The following COP1 variants were observed in gnomAD, a reference collection of about 807,000 sequenced individuals.
COP1 encodes COP1 E3 ubiquitin ligase, also known as E3 ubiquitin-protein ligase COP1.
COP1 carries 24 observed loss-of-function variants against 101.3 expected under a neutral mutation model. The ratio of observed to expected loss-of-function variants is 0.24; its 90% CI spans 0.17 to 0.33. The LOEUF (loss-of-function observed/expected upper bound fraction) is 0.33. COP1 is among the 10% of genes least tolerant of loss of function. The pLI, the probability that COP1 is intolerant of heterozygous loss-of-function variation, is 1.00. For synonymous variants in COP1, 347 were observed against 341.9 expected (o/e 1.01, Z -0.17); for missense variants, 663 against 906.2 (o/e 0.73, Z 3.45).
Position 176,151,241 on chromosome 1 carries a change from T to TAGAAAGAAAGAAAGAG in COP1, c.763-2183_763-2168dup, listed in dbSNP as rs566334770. ...GAAAAAGAATAAAGAGAAATGTATT[T>TAGAAAGAAAGAAAGAG]AGAAAGAAAGAAAGAGAGAAAGAAA... On this transcript the variant is annotated intron_variant, in intron 5 of 19. Coordinates refer to ENST00000367669, the MANE Select transcript of COP1 (RefSeq NM_022457.7). Among the ~76,000 whole-genome samples, 30 of 137,510 alleles carry TAGAAAGAAAGAAAGAG rather than the reference T, an allele frequency of 2.2e-4. 1 individual carries two copies. The South Asian group carries it at 6.7e-3, about 31-fold the overall frequency. 90.2% of individuals were successfully genotyped at this position (137,510 alleles called of 152,430 possible).
chr1:176,022,480 T>TA lies in COP1; in HGVS notation c.1729+5091dup, dbSNP rs1455677718. On this transcript the variant is annotated intron_variant, in intron 15 of 19. Transcript: ENST00000367669. Reference sequence around the variant, plus strand: ...AAGCAACTTCATGAGTATGATTCTGTATCGCTCTCAGTGGTAAACTAAACA... The same window carrying TA: ...AAGCAACTTCATGAGTATGATTCTGTAATCGCTCTCAGTGGTAAACTAAACA... Among the ~76,000 whole-genome samples, 3 of 152,232 alleles carry TA rather than the reference T, an allele frequency of 2.0e-5. No individual in the cohort carries two copies. In the East Asian group the frequency reaches 5.8e-4, roughly 29 times the overall value.
At chr1:176,057,056 CTG>C (rs1328868569) in intron 11 of COP1, among the ~76,000 whole-genome samples, 2 of 151,482 alleles carry the variant, frequency 1.3e-5, no homozygotes, top group African/African-American at 2.5e-5. Flanking sequence ...CTATAATTAA[CTG>C]AGCATAGAAA....
At chr1:175,952,471 A>G (rs1228731921) in intron 18 of COP1, among the ~76,000 whole-genome samples, 1 of 152,108 alleles carries the variant, frequency 6.6e-6, no homozygotes, top group African/African-American at 2.4e-5. Context: ...CCATTGAGAT[A>G]CACAAAATTA....
At chr1:176,200,962 C>A (rs145283634) in intron 1 of COP1, among the ~76,000 whole-genome samples, 73 of 152,262 alleles carry the variant, frequency 4.8e-4, no homozygotes, top group African/African-American at 1.8e-3. Context: ...GGAGCTGAGA[C>A]TACAAGCATG....
intron 10 of COP1, among the ~76,000 whole-genome samples, chr1:176,082,465 A>G (rs1679347080): frequency 6.6e-6 from 1 of 152,228 alleles, no homozygotes; most frequent in Non-Finnish European, 1.5e-5. Context: ...TATCTTGAAA[A>G]TAACTGTTTG....
intron 14 of COP1, among the ~76,000 whole-genome samples, chr1:176,029,148 GTTC>G (rs1236252675): frequency 1.8e-4 from 27 of 152,102 alleles, no homozygotes; most frequent in African/African-American, 5.5e-4. Context: ...CTTGGAAACT[GTTC>G]TTATTTTATC....
chr1:176,125,489 T>C (rs1007597318), intron 8 of COP1, among the ~76,000 whole-genome samples: 1 of 152,196 alleles, frequency 6.6e-6, no homozygotes, highest in African/African-American at 2.4e-5. Flanking sequence ...GAATATCTTT[T>C]CCCCAATTTA....
At chr1:176,022,503 A>C (rs1471782771) in intron 15 of COP1, among the ~76,000 whole-genome samples, 1 of 152,236 alleles carries the variant, frequency 6.6e-6, no homozygotes, top group Non-Finnish European at 1.5e-5. Context: ...GGTAAACTAA[A>C]CAATACAGCT....
At chr1:176,122,599 G>C (rs1687322119) in intron 8 of COP1, among the ~76,000 whole-genome samples, 1 of 152,056 alleles carries the variant, frequency 6.6e-6, no homozygotes, top group Non-Finnish European at 1.5e-5. Flanking sequence ...CAGTGTTTCA[G>C]AACTCCAGAA....
At chr1:176,071,219 C>A (rs1676945347) in intron 11 of COP1, among the ~76,000 whole-genome samples, 1 of 151,734 alleles carries the variant, frequency 6.6e-6, no homozygotes, top group African/African-American at 2.4e-5. Flanking sequence ...TGTGGTACCT[C>A]CCCCCTCACT....
intron 8 of COP1, among the ~76,000 whole-genome samples, chr1:176,121,534 G>T (rs1280943611): frequency 1.3e-5 from 2 of 151,652 alleles, no homozygotes; most frequent in African/African-American, 4.8e-5. Context: ...TATGTTTTTA[G>T]AGGTACGATC....
intron 18 of COP1, among the ~76,000 whole-genome samples, chr1:175,976,059 A>G (rs1654452426): frequency 2.7e-5 from 1 of 37,582 alleles, no homozygotes; most frequent in South Asian, 6.6e-4. Flanking sequence ...AAAGATGTAG[A>G]ATTAGAAGGT....
chr1:176,087,800 G>A (rs1680491595), intron 9 of COP1, among the ~76,000 whole-genome samples: 1 of 152,138 alleles, frequency 6.6e-6, no homozygotes, highest in African/African-American at 2.4e-5. Context: ...AAAGACACAT[G>A]CACATGTATG....
chr1:176,131,266 G>C (rs2149703075), intron 8 of COP1, among the ~76,000 whole-genome samples: 1 of 151,880 alleles, frequency 6.6e-6, no homozygotes, highest in Admixed American at 6.6e-5. Flanking sequence ...TAAAAGGATA[G>C]GTTAAAAGAT....
chr1:175,946,702 CT>C (rs1416512801), intron 19 of COP1, among the ~76,000 whole-genome samples: 3 of 152,114 alleles, frequency 2.0e-5, no homozygotes, highest in African/African-American at 7.2e-5. Flanking sequence ...ACTAAAATAA[CT>C]TTTTCTCCCC....
intron 9 of COP1, among the ~76,000 whole-genome samples, chr1:176,098,880 G>A (rs1572220835): frequency 2.0e-5 from 3 of 152,122 alleles, no homozygotes; most frequent in Non-Finnish European, 4.4e-5. Context: ...AGAGTCCCTG[G>A]AGTATCCAAA....
chr1:176,109,160 G>C (rs1684862077), intron 9 of COP1, among the ~76,000 whole-genome samples: 3 of 152,108 alleles, frequency 2.0e-5, no homozygotes, highest in Non-Finnish European at 4.4e-5. Context: ...ATATTTTGAA[G>C]CAATTAAGCC....
intron 18 of COP1, among the ~76,000 whole-genome samples, chr1:175,961,848 C>T (rs1651405915): frequency 6.6e-6 from 1 of 150,690 alleles, no homozygotes. Context: ...CTTGAAATTT[C>T]ACAGGAGAAA....
At chr1:176,032,415 C>T (rs186763791) in intron 14 of COP1, among the ~76,000 whole-genome samples, 7 of 152,294 alleles carry the variant, frequency 4.6e-5, no homozygotes, top group East Asian at 1.9e-4. Context: ...AGTAGCTAGA[C>T]GTTGTCATAC....
Sources: gnomAD v4.1 joint callset for allele counts (sites outside exome capture counted in the v4.1 genomes callset) on GRCh38, gnomAD v4.1.1 for gene constraint, MANE v1.5 for transcripts, NCBI Gene and HGNC (gene_info 2026-07-23, HGNC 2026-07-21) for gene names.